Variants in PFKFB3 observed in about 807,000 individuals in gnomAD.
The protein encoded by PFKFB3 is 6-phosphofructo-2-kinase/fructose-2,6-biphosphatase 3, also known as 6-phosphofructo-2-kinase/fructose-2,6-bisphosphatase 3.
PFKFB3 carries 33 observed loss-of-function variants against 68.0 expected under a neutral mutation model. That is an observed-to-expected ratio of 0.49 (90% CI 0.37 to 0.65). The LOEUF (loss-of-function observed/expected upper bound fraction) is 0.65, where lower values mean the gene tolerates loss of function less well. PFKFB3 is among the 30% of genes least tolerant of loss of function. The pLI, the probability that PFKFB3 is intolerant of heterozygous loss-of-function variation, is 0.00. For missense variants in PFKFB3, 586 were observed against 712.2 expected (o/e 0.82, Z 2.02); for synonymous variants, 315 against 288.2 (o/e 1.09, Z -0.94).
chr10:6,275,624 G>A, the PFKFB3 span, among the ~76,000 whole-genome samples: 1 of 152,058 alleles, frequency 6.6e-6, no homozygotes, highest in Admixed American at 6.6e-5. This position sits in a 1 kb window ranked among gnomAD's most constrained non-coding sequence, Gnocchi z 4.9. Context: ...GGATCTTGTG[G>A]GTTTTTTTCT....
intron 1 of PFKFB3, among the ~76,000 whole-genome samples, chr10:6,186,154 A>G (rs1375338532): frequency 6.6e-6 from 1 of 152,182 alleles, no homozygotes; most frequent in Non-Finnish European, 1.5e-5. Flanking sequence ...TTTTTATTTT[A>G]ATATTAATAT....
At chr10:6,302,905 T>C in the PFKFB3 span, among the ~76,000 whole-genome samples, 1 of 152,256 alleles carries the variant, frequency 6.6e-6, no homozygotes, top group East Asian at 1.9e-4. Context: ...GGAAGGCACC[T>C]TGGACATGGC....
intron 1 of PFKFB3, among the ~76,000 whole-genome samples, chr10:6,189,083 C>T (rs1036340364): frequency 5.9e-5 from 9 of 152,166 alleles, no homozygotes; most frequent in Non-Finnish European, 1.2e-4. Context: ...TCGTGATCCG[C>T]CCGCCTTGGC....
At chr10:6,243,587 C>T (rs1164386010) in intron 14 of PFKFB3, among the ~76,000 whole-genome samples, 3 of 152,160 alleles carry the variant, frequency 2.0e-5, no homozygotes, top group Admixed American at 6.6e-5. Flanking sequence ...AGACGTTTTC[C>T]TTCTGGGGCC....
chr10:6,248,652 A>AG (rs55848649), intron 14 of PFKFB3, among the ~76,000 whole-genome samples: 54,759 of 89,312 alleles, frequency 0.61, 19,505 homozygotes, highest in South Asian at 0.84. Context: ...AAAAAAAAAA[A>AG]GGCAGGGGAT....
Position 6,232,904 on chromosome 10 carries a change from G to T in PFKFB3, c.1525G>T (p.Gly509Cys), listed in dbSNP as rs1016952054. The change falls in exon 15 of 15, where the codon GGC becomes TGC. Residue 509 changes from glycine to cysteine, a missense_variant. Coordinates refer to ENST00000379775, the MANE Select transcript of PFKFB3 (RefSeq NM_004566.4). ...TTTCTCCTGAAAACAGAACATGAAAGGCTCCCGGAGCAGCGCTGACTCCTC... is the reference window on the plus strand; with the variant it reads ...TTTCTCCTGAAAACAGAACATGAAATGCTCCCGGAGCAGCGCTGACTCCTC... ...PTQLPGQNMKGSRSSADSSRK... is the reference protein window; with the variant it reads ...PTQLPGQNMKCSRSSADSSRK... The T allele has an allele frequency of 6.2e-7, 1 of 1,613,090 alleles. No homozygotes were observed. Among genetic ancestry groups the T allele is most frequent in the Non-Finnish European group, 8.5e-7 (1 of 1,179,496 alleles).
intron 14 of PFKFB3, among the ~76,000 whole-genome samples, chr10:6,249,687 A>T (rs1846334357): frequency 6.6e-6 from 1 of 152,174 alleles, no homozygotes. Flanking sequence ...AGGCTGGAGT[A>T]TGGGAGAAAT....
At chr10:6,173,919 A>G (rs1588419701) in intron 1 of PFKFB3, among the ~76,000 whole-genome samples, 1 of 152,024 alleles carries the variant, frequency 6.6e-6, no homozygotes, top group African/African-American at 2.4e-5. Flanking sequence ...CGCAAACGGG[A>G]GGCGGGGAGG....
At chr10:6,236,727 A>G (rs1462365673), downstream of PFKFB3, among the ~76,000 whole-genome samples, 1 of 152,224 alleles carries the variant, frequency 6.6e-6, no homozygotes, top group Non-Finnish European at 1.5e-5. Flanking sequence ...TTTCAGGCTG[A>G]CTACCCAGAA....
chr10:6,292,255 A>T, the PFKFB3 span, among the ~76,000 whole-genome samples: 4,180 of 145,902 alleles, frequency 0.029, 198 homozygotes, highest in African/African-American at 0.1. Context: ...CACCCAGCCG[A>T]AACCAGTGTA....
chr10:6,205,469 T>C (rs1347034195), intron 1 of PFKFB3, among the ~76,000 whole-genome samples: 1 of 140,750 alleles, frequency 7.1e-6, no homozygotes, highest in African/African-American at 2.6e-5. Context: ...CTCGGCTCAC[T>C]GCAACTTCTG....
At chr10:6,156,468 C>T (rs943318375) in intron 1 of PFKFB3, among the ~76,000 whole-genome samples, 1 of 148,036 alleles carries the variant, frequency 6.8e-6, no homozygotes, top group African/African-American at 2.5e-5. Flanking sequence ...CAAAGAAGAG[C>T]AAATTCACTT....
rs1842984839 is a variant in PFKFB3, at chr10:6,190,182, G to A, written c.17-23441G>A. ...TGGTCTTAAACTCCTGGCCTCAAGT[G>A]ATCCACCCGCCTTGGCCTCTCAAAG... On this transcript the variant is annotated intron_variant, in intron 1 of 14. Transcript: ENST00000379789. 2.6e-5 allele frequency among the ~76,000 whole-genome samples: 4 copies of A among 152,098 alleles called. No individual in the cohort carries two copies. In the South Asian group the frequency reaches 8.3e-4, roughly 32 times the overall value.
chr10:6,290,586 C>T, the PFKFB3 span, among the ~76,000 whole-genome samples: 39 of 151,294 alleles, frequency 2.6e-4, no homozygotes, highest in East Asian at 6.0e-3. Context: ...ACAACCTCCA[C>T]CTCCTGGGTA....
intron 1 of PFKFB3, among the ~76,000 whole-genome samples, chr10:6,209,019 T>C (rs1376514134): frequency 6.6e-6 from 1 of 152,220 alleles, no homozygotes; most frequent in African/African-American, 2.4e-5. Context: ...CTCAGCCACA[T>C]TGACCCTGTA....
intron 14 of PFKFB3, chr10:6,226,569 C>T: frequency 1.8e-6 from 1 of 562,796 alleles, no homozygotes; most frequent in African/African-American, 2.0e-5. Flanking sequence ...TAGGAAGCAC[C>T]CTCCGAAGTT....
At chr10:6,283,542 A>ATGGAGGCCGGAAGACTCAGCCCACGCTGG in the PFKFB3 span, among the ~76,000 whole-genome samples, 4 of 152,260 alleles carry the variant, frequency 2.6e-5, no homozygotes, top group Non-Finnish European at 4.4e-5. Context: ...TGGGAGAAAG[A>ATGGAGGCCGGAAGACTCAGCCCACGCTGG]TGGAGGCTGG....
chr10:6,200,660 G>A (rs1196948866), upstream of PFKFB3, among the ~76,000 whole-genome samples: 41 of 1,400 alleles, frequency 0.029, 1 homozygote, highest in Non-Finnish European at 0.065. Context: ...TGTAAGGAGC[G>A]GGGGGGGGGG....
In PFKFB3 at chr10:6,203,318, A is replaced by T; in HGVS notation, c.58A>T (p.Arg20Trp). The T allele has an allele frequency of 6.2e-7, 1 of 1,609,170 alleles. No homozygotes were observed. The highest frequency in any genetic ancestry group is 8.5e-7 in the Non-Finnish European group (1 of 1,177,882). ...VQKIWVPVDHRPSLPRSCGPK... is the reference protein window; with the variant it reads ...VQKIWVPVDHWPSLPRSCGPK... ...GAAGATCTGGGTGCCCGTGGACCAC[A>T]GGCCCTCGTTGCCCAGATGTGAGTG... Residue 20 changes from arginine (R) to tryptophan (W), a missense_variant, in exon 1 of 15, where the codon AGG becomes TGG. Arg to Trp is a moderately radical substitution (Grantham distance 101). Coordinates refer to ENST00000379775, the MANE Select transcript of PFKFB3 (RefSeq NM_004566.4).
Sources: allele counts gnomAD v4.1 joint callset (sites outside exome capture counted in the v4.1 genomes callset), GRCh38; gene constraint gnomAD v4.1.1; non-coding constraint Gnocchi (gnomAD v3.1); transcripts MANE v1.5; gene names NCBI Gene and HGNC (gene_info 2026-07-23, HGNC 2026-07-21).